Variants in LRIG1 observed in about 807,000 individuals in gnomAD.
The protein encoded by LRIG1 is leucine rich repeats and immunoglobulin like domains 1.
In LRIG1, 48 loss-of-function variants were observed where a neutral mutation model predicts 99.2. That is an observed-to-expected ratio of 0.48 (90% CI 0.38 to 0.62). LRIG1 has a LOEUF of 0.62. Ranked by LOEUF, LRIG1 falls within the 20% of genes least tolerant of loss-of-function variation. The pLI, the probability that LRIG1 is intolerant of heterozygous loss-of-function variation, is 0.00. For synonymous variants in LRIG1, 772 were observed against 596.1 expected, an observed-to-expected ratio of 1.29 and a Z score of -4.30; for missense variants, 1,646 against 1,434.4, an observed-to-expected ratio of 1.15 and a Z score of -2.38.
At chr3:66,469,475 A>C (rs762348617) in intron 1 of LRIG1, among the ~76,000 whole-genome samples, 1 of 152,174 alleles carries the variant, frequency 6.6e-6, no homozygotes, top group Non-Finnish European at 1.5e-5. Flanking sequence ...CAGCTATAAT[A>C]ATCAGTGTGG....
At chr3:66,394,762 A>G (rs1701777089) in intron 11 of LRIG1, among the ~76,000 whole-genome samples, 1 of 152,056 alleles carries the variant, frequency 6.6e-6, no homozygotes, top group Non-Finnish European at 1.5e-5. Context: ...CATTTGGCAA[A>G]GCTGCATGTT....
rs79204353 is a variant in LRIG1, at chr3:66,415,503, G to C, written c.504-440C>G. On this transcript the variant is annotated intron_variant, in intron 4 of 18. Coordinates refer to ENST00000273261, the MANE Select transcript of LRIG1 (RefSeq NM_015541.3). Reference sequence around the variant, plus strand: ...GTTAATTTAATAATTTAGAGAAATAGCCTTTAGTTTTGAGGTGGGTCTTGC... The same window carrying C: ...GTTAATTTAATAATTTAGAGAAATACCCTTTAGTTTTGAGGTGGGTCTTGC... Among the ~76,000 whole-genome samples, 1,093 of 152,342 alleles carry C rather than the reference G, an allele frequency of 7.2e-3. 16 individuals carry two copies. The highest frequency in any genetic ancestry group is 0.024 in the African/African-American group (1,000 of 41,572).
Position 66,380,378 on chromosome 3 carries a change from A to AGCAAGTAC in LRIG1, c.3159_3166dup (p.Leu1056ArgfsTer23). On this transcript the variant is annotated frameshift_variant, in exon 19 of 19. Transcript: ENST00000273261. LOFTEE classifies it high-confidence loss of function. ...TTTGGGGAGGTGGCCATTGGAAACAAGCAAGTACTGGGCTTCCGCGCGCTC... is the reference window on the plus strand; with the variant it reads ...TTTGGGGAGGTGGCCATTGGAAACAAGCAAGTACGCAAGTACTGGGCTTCCGCGCGCTC... The AGCAAGTAC allele has an allele frequency of 1.9e-6, 3 of 1,614,188 alleles. No homozygotes were observed. The highest frequency in any genetic ancestry group is 2.5e-6 in the Non-Finnish European group (3 of 1,180,018).
intron 1 of LRIG1, among the ~76,000 whole-genome samples, chr3:66,482,387 G>A (rs376234224): frequency 3.7e-4 from 57 of 152,296 alleles, no homozygotes; most frequent in African/African-American, 1.3e-3. Flanking sequence ...CATCAACAAA[G>A]GAAGGAAACT....
intron 3 of LRIG1, among the ~76,000 whole-genome samples, chr3:66,445,053 C>CG (rs1559802860): frequency 6.6e-6 from 1 of 151,726 alleles, no homozygotes; most frequent in African/African-American, 2.4e-5. Flanking sequence ...AAAACAGCTT[C>CG]GGACTACCCA....
chr3:66,383,064 G>A lies in LRIG1; in HGVS notation c.2409C>T (p.Ser803=), dbSNP rs889881425. 3.1e-6 allele frequency: 5 copies of A among 1,614,130 alleles called. No individual in the cohort carries two copies. Among genetic ancestry groups the A allele is most frequent in the Non-Finnish European group, 4.2e-6 (5 of 1,180,052 alleles). Residue 803 remains serine (S), a synonymous_variant, in exon 15 of 19, where the codon AGC becomes AGT. Coordinates refer to ENST00000273261, the MANE Select transcript of LRIG1 (RefSeq NM_015541.3). ...VGIFTIAVVS[S]IVLTSLVWVC... ...CCCAGACCAGTGACGTCAGGACGATGCTGCTCACGACAGCAATGGTGAAGA... is the reference window on the plus strand; with the variant it reads ...CCCAGACCAGTGACGTCAGGACGATACTGCTCACGACAGCAATGGTGAAGA...
At chr3:66,387,623 T>C (rs138106323) in intron 12 of LRIG1, 178 of 152,236 alleles carry the variant, frequency 1.2e-3, no homozygotes, top group African/African-American at 3.8e-3. Flanking sequence ...GTTGCCACAT[T>C]ATTTTATTTT....
Position 66,380,322 on chromosome 3 carries a change from G to A in LRIG1, c.3223C>T (p.Leu1075=), listed in dbSNP as rs773349203. ...ACDASPESTP[L]TGQLPGKQRV... is the part of the protein sequence containing the mutation. ...TGTTTCCCGGGGAGCTGTCCTGTCA[G>A]TGGCGTGGACTCGGGACTGGCGTCA... Residue 1075 remains leucine (L), a synonymous_variant, in exon 19 of 19, where the codon CTG becomes TTG. Coordinates refer to ENST00000273261, the MANE Select transcript of LRIG1 (RefSeq NM_015541.3). The A allele has an allele frequency of 3.7e-6, 6 of 1,614,246 alleles. No individual in the cohort carries two copies. In the South Asian group the frequency reaches 5.5e-5, roughly 15 times the overall value.
At chr3:66,423,376 A>C (rs926595405) in intron 3 of LRIG1, among the ~76,000 whole-genome samples, 3 of 152,172 alleles carry the variant, frequency 2.0e-5, no homozygotes, top group African/African-American at 7.2e-5. Flanking sequence ...TTTTGAGACC[A>C]GCCTGACCAA....
At chr3:66,407,583 C>A in intron 7 of LRIG1, 92 bp from the exon 8 acceptor site, 1 of 1,469,232 alleles carries the variant, frequency 6.8e-7, no homozygotes, top group South Asian at 1.2e-5. Context: ...AGCTGGGTTT[C>A]AGTGGGAAAT....
intron 11 of LRIG1, among the ~76,000 whole-genome samples, chr3:66,396,347 C>T (rs941190414): frequency 1.3e-5 from 2 of 152,266 alleles, no homozygotes; most frequent in African/African-American, 4.8e-5. Flanking sequence ...GCTCTACTGC[C>T]TTCTGCTGCC....
intron 2 of LRIG1, among the ~76,000 whole-genome samples, chr3:66,455,501 C>A (rs1196040827): frequency 6.6e-6 from 1 of 152,096 alleles, no homozygotes; most frequent in Non-Finnish European, 1.5e-5. Context: ...TGGAGGTCTC[C>A]ACTATTCGTT....
chr3:66,476,065 T>C (rs1190996703), intron 1 of LRIG1, among the ~76,000 whole-genome samples: 2 of 152,210 alleles, frequency 1.3e-5, no homozygotes, highest in Non-Finnish European at 2.9e-5. Flanking sequence ...GTACAATGTA[T>C]TTCAGAACTA....
chr3:66,428,674 G>T (rs1176721551), intron 3 of LRIG1, among the ~76,000 whole-genome samples: 3 of 152,208 alleles, frequency 2.0e-5, no homozygotes, highest in African/African-American at 7.2e-5. Flanking sequence ...TCCCTTCTCA[G>T]AATGACAGTT....
At chr3:66,466,226 G>A (rs368059136) in intron 1 of LRIG1, among the ~76,000 whole-genome samples, 23 of 152,040 alleles carry the variant, frequency 1.5e-4, no homozygotes, top group Non-Finnish European at 2.9e-4. Flanking sequence ...TAGACATGGT[G>A]GGGGGAGGGT....
chr3:66,386,190 G>C lies in LRIG1; in HGVS notation c.1580C>G (p.Thr527Ser). ...SAASSSSSPM[T>S]FAWKKDNEVL... Reference sequence around the variant, plus strand: ...TTCATTGTCTTTCTTCCAGGCAAAGGTCATGGGGGAGCTGCTGCTGCTGGC... The same window carrying C: ...TTCATTGTCTTTCTTCCAGGCAAAGCTCATGGGGGAGCTGCTGCTGCTGGC... The change falls in exon 13 of 19, where the codon ACC becomes AGC. Residue 527 changes from threonine (T) to serine (S), a missense_variant. Transcript: ENST00000273261. The C allele has an allele frequency of 6.2e-7, 1 of 1,614,140 alleles. No individual in the cohort carries two copies. Among genetic ancestry groups the C allele is most frequent in the Non-Finnish European group, 8.5e-7 (1 of 1,180,024 alleles).
chr3:66,384,337 T>G, intron 13 of LRIG1, 65 bp from the exon 14 acceptor site: 1 of 1,514,582 alleles, frequency 6.6e-7, no homozygotes, highest in Non-Finnish European at 9.0e-7. Context: ...GGAAGTCCTC[T>G]GGCAAACACC....
chr3:66,450,575 C>T (rs896405112), intron 3 of LRIG1, among the ~76,000 whole-genome samples: 10 of 152,278 alleles, frequency 6.6e-5, no homozygotes, highest in African/African-American at 1.7e-4. Flanking sequence ...CTCCTGAACA[C>T]AGGGCATGCT....
At chr3:66,467,865 T>C (rs1325049831) in intron 1 of LRIG1, among the ~76,000 whole-genome samples, 1 of 152,200 alleles carries the variant, frequency 6.6e-6, no homozygotes, top group African/African-American at 2.4e-5. Context: ...CAGAAGCAAC[T>C]TGAATCTAAA....
Sources: allele counts gnomAD v4.1 joint callset (sites outside exome capture counted in the v4.1 genomes callset), GRCh38; gene constraint gnomAD v4.1.1; transcripts MANE v1.5; gene names NCBI Gene and HGNC (gene_info 2026-07-23, HGNC 2026-07-21).